Variants in LAMA2 observed in about 807,000 individuals in gnomAD.
The protein encoded by LAMA2 is laminin subunit alpha-2.
In LAMA2, 269 loss-of-function variants were observed where a neutral mutation model predicts 364.8. That is an observed-to-expected ratio of 0.74 (90% CI 0.67 to 0.82). The LOEUF (loss-of-function observed/expected upper bound fraction) is 0.82, where lower values mean the gene tolerates loss of function less well. Ranked by LOEUF, LAMA2 falls within the 40% of genes least tolerant of loss-of-function variation. LAMA2 has a pLI of 0.00. For missense variants in LAMA2, 3,807 were observed against 3,873.2 expected (o/e 0.98, Z 0.45); for synonymous variants, 1,379 against 1,370.6 (o/e 1.01, Z -0.14).
intron 30 of LAMA2, among the ~76,000 whole-genome samples, chr6:129,348,608 TG>T (rs1162073241): frequency 6.6e-6 from 1 of 152,070 alleles, no homozygotes; most frequent in Non-Finnish European, 1.5e-5. Context: ...ACAGACTGGC[TG>T]TGGTCTACCA....
intron 1 of LAMA2, among the ~76,000 whole-genome samples, chr6:128,884,502 T>C (rs951905178): frequency 3.3e-5 from 5 of 152,308 alleles, no homozygotes; most frequent in Admixed American, 1.3e-4. Flanking sequence ...TTTGTTCTTA[T>C]AATCTAGCAT....
intron 1 of LAMA2, among the ~76,000 whole-genome samples, chr6:128,900,939 G>A (rs750803064): frequency 4.6e-5 from 7 of 152,202 alleles, no homozygotes; most frequent in Non-Finnish European, 1.0e-4. Flanking sequence ...ATGGCTTGAG[G>A]CCAGGAGTTC....
intron 56 of LAMA2, chr6:129,491,202 C>T (rs913770167): frequency 3.9e-5 from 6 of 152,258 alleles, no homozygotes; most frequent in African/African-American, 1.2e-4. Context: ...GAGAAAATGC[C>T]TTTGGTCATT....
chr6:129,012,921 C>G (rs1173559190), intron 1 of LAMA2, among the ~76,000 whole-genome samples: 1 of 152,026 alleles, frequency 6.6e-6, no homozygotes, highest in East Asian at 1.9e-4. Flanking sequence ...TGTCTCTTTC[C>G]CCTCTTCAAC....
At chr6:129,328,506 G>C in intron 29 of LAMA2, 94 bp downstream of exon 29, 1 of 1,586,208 alleles carries the variant, frequency 6.3e-7, no homozygotes, top group East Asian at 2.2e-5. Context: ...TAAACTGTAA[G>C]GGAATGCAAC....
In LAMA2 at chr6:129,165,677, T is replaced by G. The variant is rs1326401124; in HGVS notation, c.1306+2T>G. On this transcript the variant is annotated splice_donor_variant, in intron 9 of 64. Coordinates refer to ENST00000421865, the MANE Select transcript of LAMA2 (RefSeq NM_000426.4). LOFTEE classifies it high-confidence loss of function. Reference sequence around the variant, plus strand: ...AGGATGAGAAACATGCTCGACGAGGTGAGAGCTGCAGCAGAATGTCACTGC... The same window carrying G: ...AGGATGAGAAACATGCTCGACGAGGGGAGAGCTGCAGCAGAATGTCACTGC... 3 of 1,581,516 alleles carry G rather than the reference T, an allele frequency of 1.9e-6. No homozygotes were observed. In the South Asian group the frequency reaches 3.3e-5, roughly 18 times the overall value.
chr6:129,197,545 T>A (rs971945330), intron 12 of LAMA2, among the ~76,000 whole-genome samples: 2 of 152,218 alleles, frequency 1.3e-5, no homozygotes, highest in Non-Finnish European at 2.9e-5. Context: ...TACTGGTGTA[T>A]GTCTTTGCCT....
At chr6:129,027,687 G>C (rs572596235) in intron 1 of LAMA2, among the ~76,000 whole-genome samples, 11 of 151,844 alleles carry the variant, frequency 7.2e-5, no homozygotes, top group Admixed American at 2.0e-4. Context: ...AGCTAATCTT[G>C]AAAGAAATAC....
intron 22 of LAMA2, among the ~76,000 whole-genome samples, chr6:129,303,917 A>G (rs554420429): frequency 6.6e-6 from 1 of 152,186 alleles, no homozygotes; most frequent in African/African-American, 2.4e-5. Context: ...AGCTTCATGA[A>G]ATGGATTCAG....
At chr6:128,930,900 C>T (rs1779431646) in intron 1 of LAMA2, among the ~76,000 whole-genome samples, 1 of 152,194 alleles carries the variant, frequency 6.6e-6, no homozygotes, top group African/African-American at 2.4e-5. Flanking sequence ...CGTGTACACA[C>T]ACACTTTCTA....
rs201971962 is a variant in LAMA2, at chr6:129,050,122, G to T, written c.283+34G>T. On this transcript the variant is annotated intron_variant, in intron 2 of 64. Coordinates refer to ENST00000421865, the MANE Select transcript of LAMA2 (RefSeq NM_000426.4). Reference sequence around the variant, plus strand: ...TTTAGTGTGTAGGTGTGTGGCGCTGGGTAGGATCTATAATTGTGAGATGTT... The same window carrying T: ...TTTAGTGTGTAGGTGTGTGGCGCTGTGTAGGATCTATAATTGTGAGATGTT... 1.8e-5 allele frequency: 29 copies of T among 1,609,704 alleles called. No homozygotes were observed. The African/African-American group carries it at 2.5e-4, about 14-fold the overall frequency.
Position 129,224,676 on chromosome 6 carries a change from G to A in LAMA2, c.1783-25436G>A, listed in dbSNP as rs186634033. On this transcript the variant is annotated intron_variant, in intron 12 of 64. Coordinates refer to ENST00000421865, the MANE Select transcript of LAMA2 (RefSeq NM_000426.4). ...TGTTGAACCAGCCTTGCATCCCGTG[G>A]ATGAAGCCCACTTGATCGTGGTGGA... Among the ~76,000 whole-genome samples the A allele has an allele frequency of 2.7e-3, 416 of 152,300 alleles. 1 individual carries two copies. The highest frequency in any genetic ancestry group is 8.3e-3 in the African/African-American group (344 of 41,562).
At chr6:129,158,606 G>T in intron 8 of LAMA2, 1 of 1,614,158 alleles carries the variant, frequency 6.2e-7, no homozygotes, top group Non-Finnish European at 8.5e-7. Flanking sequence ...AACAAAAGCA[G>T]CTGGAGAAGA....
At chr6:129,417,915 C>T (rs1688687296) in intron 40 of LAMA2, among the ~76,000 whole-genome samples, 1 of 152,160 alleles carries the variant, frequency 6.6e-6, no homozygotes, top group South Asian at 2.1e-4. Flanking sequence ...CACTTCTGAG[C>T]CTGTAGGGGA....
At chr6:129,051,986 T>C (rs1482673853) in intron 2 of LAMA2, among the ~76,000 whole-genome samples, 2 of 98,824 alleles carry the variant, frequency 2.0e-5, no homozygotes, top group Non-Finnish European at 4.1e-5. Flanking sequence ...TAAGTGTGTG[T>C]ATATGTATGC....
intron 9 of LAMA2, among the ~76,000 whole-genome samples, chr6:129,172,261 G>T (rs1378238251): frequency 6.6e-6 from 1 of 152,072 alleles, no homozygotes; most frequent in Admixed American, 6.5e-5. Context: ...CTGCTTTTTA[G>T]AGTTTCCAGT....
At chr6:128,931,156 T>C (rs1451599039) in intron 1 of LAMA2, among the ~76,000 whole-genome samples, 3 of 152,236 alleles carry the variant, frequency 2.0e-5, no homozygotes, top group African/African-American at 7.2e-5. Flanking sequence ...CCTGTCTCTA[T>C]AGCTTACAAG....
intron 1 of LAMA2, among the ~76,000 whole-genome samples, chr6:128,925,215 C>A (rs944416749): frequency 3.9e-5 from 6 of 152,202 alleles, no homozygotes; most frequent in Admixed American, 3.3e-4. Flanking sequence ...ATTTATACAT[C>A]TCTGTCATAG....
At chr6:129,051,857 A>T (rs1175830694) in intron 2 of LAMA2, among the ~76,000 whole-genome samples, 1 of 151,824 alleles carries the variant, frequency 6.6e-6, no homozygotes, top group Non-Finnish European at 1.5e-5. Context: ...TTCATGAAGA[A>T]TATGAGAAAG....
Sources: allele counts gnomAD v4.1 joint callset (sites outside exome capture counted in the v4.1 genomes callset), GRCh38; gene constraint gnomAD v4.1.1; transcripts MANE v1.5; gene names NCBI Gene and HGNC (gene_info 2026-07-23, HGNC 2026-07-21).